The following SMC1B variants were observed in gnomAD, a reference collection of about 807,000 sequenced individuals.
SMC1B encodes the protein structural maintenance of chromosomes 1B, also known as structural maintenance of chromosomes protein 1B.
A neutral mutation model predicts 157.9 loss-of-function variants in SMC1B; 60 were observed. The ratio of observed to expected loss-of-function variants is 0.38; its 90% CI spans 0.31 to 0.47. The LOEUF is 0.47. Among genes scored for constraint, SMC1B ranks in the 20% least tolerant of loss-of-function variants. The pLI is 0.99. For missense variants in SMC1B, 1,165 were observed against 1,426.2 expected, an observed-to-expected ratio of 0.82 and a Z score of 2.95; for synonymous variants, 445 against 483.0, an observed-to-expected ratio of 0.92 and a Z score of 1.03.
In SMC1B at chr22:45,359,919, T is replaced by C. The variant is rs1391478336; in HGVS notation, c.2748A>G (p.Gln916=). Residue 916 remains glutamine (Q), a synonymous_variant, in exon 18 of 25, where the codon CAA becomes CAG. Coordinates refer to ENST00000357450, the MANE Select transcript of SMC1B (RefSeq NM_148674.5). ...CTAATCGTTTCTGTTCCAGAGAAGT[T>C]TGAATACTTACAACTTCTTTTTGCA... is the stretch of plus-strand genomic sequence containing the variant. ...GKLQKEVVSI[Q]TSLEQKRLEK... is the part of the protein sequence containing the mutation. The C allele has an allele frequency of 6.8e-6, 11 of 1,613,956 alleles. No homozygotes were observed. The highest frequency in any genetic ancestry group is 1.3e-5 in the African/African-American group (1 of 74,944).
rs2086592295 is a variant in SMC1B, at chr22:45,349,728, T to C, written c.3495A>G (p.Lys1165=). 2 of 1,611,378 alleles carry C rather than the reference T, an allele frequency of 1.2e-6. No individual in the cohort carries two copies. The highest frequency in any genetic ancestry group is 1.7e-6 in the Non-Finnish European group (2 of 1,178,560). ...DAALDNTNIG[K]VSSYIKEQTQ... is the part of the protein sequence containing the mutation. ...TTGAAAATGAAAAGCAGAAACTTAC[T>C]TTGCCTATGTTAGTATTGTCTAGGG... Residue 1165 remains lysine (K), a splice_region_variant and synonymous_variant, in exon 23 of 25, where the codon AAA becomes AAG. Transcript: ENST00000357450.
At chr22:45,364,823 CCTTTTTTTTTTTTT>C (rs2086757480) in intron 15 of SMC1B, among the ~76,000 whole-genome samples, 1 of 129,442 alleles carries the variant, frequency 7.7e-6, no homozygotes, top group Non-Finnish European at 1.6e-5. Flanking sequence ...GATCTCTTTT[CCTTTTTTTTTTTTT>C]TTTTTTTTTT....
chr22:45,379,425 C>T (rs191119619), intron 12 of SMC1B, among the ~76,000 whole-genome samples: 1 of 152,258 alleles, frequency 6.6e-6, no homozygotes, highest in East Asian at 1.9e-4. Context: ...TCATTACTTC[C>T]ATCTTGCTTT....
intron 15 of SMC1B, among the ~76,000 whole-genome samples, chr22:45,369,359 G>A (rs753747731): frequency 2.6e-5 from 4 of 151,876 alleles, no homozygotes; most frequent in Admixed American, 1.3e-4. Context: ...GCCTCCCAAA[G>A]TGCTGGGATT....
chr22:45,401,523 T>C (rs1198738166), intron 5 of SMC1B, among the ~76,000 whole-genome samples: 1 of 152,252 alleles, frequency 6.6e-6, no homozygotes, highest in Non-Finnish European at 1.5e-5. Flanking sequence ...GTACAGAATC[T>C]GCATAATAAA....
intron 13 of SMC1B, 69 bp downstream of exon 13, chr22:45,372,086 T>C: frequency 7.5e-7 from 1 of 1,339,960 alleles, no homozygotes; most frequent in African/African-American, 1.5e-5. Context: ...TGGAGCTATA[T>C]AAATGTAATT....
chr22:45,355,565 C>G (rs536452203), intron 19 of SMC1B, among the ~76,000 whole-genome samples: 5 of 152,098 alleles, frequency 3.3e-5, no homozygotes, highest in Non-Finnish European at 7.4e-5. Context: ...GCAATCCTCC[C>G]ACTTCAGCCT....
chr22:45,387,157 G>A, intron 10 of SMC1B, 111 bp from the exon 11 acceptor site: 2 of 956,126 alleles, frequency 2.1e-6, no homozygotes, highest in Non-Finnish European at 1.5e-6. Context: ...AAGATCAACA[G>A]TATGTACCCA....
At chr22:45,399,060 A>T in intron 6 of SMC1B, 35 bp downstream of exon 6, 1 of 1,576,796 alleles carries the variant, frequency 6.3e-7, no homozygotes, top group Non-Finnish European at 8.6e-7. Flanking sequence ...GAAATAATAG[A>T]AACACAAGAT....
chr22:45,408,357 C>T (rs2087288505), intron 2 of SMC1B, among the ~76,000 whole-genome samples: 1 of 152,002 alleles, frequency 6.6e-6, no homozygotes, highest in Non-Finnish European at 1.5e-5. Flanking sequence ...AATCACCTGA[C>T]CTCGTGATCC....
At chr22:45,387,842 G>A (rs136592) in intron 10 of SMC1B, among the ~76,000 whole-genome samples, 18,283 of 152,044 alleles carry the variant, frequency 0.12, 1,264 homozygotes, top group South Asian at 0.23. Flanking sequence ...GACCAGCCTG[G>A]CCAACATGGT....
intron 15 of SMC1B, among the ~76,000 whole-genome samples, chr22:45,368,226 T>G (rs1009668776): frequency 2.0e-5 from 3 of 152,190 alleles, no homozygotes; most frequent in African/African-American, 7.2e-5. Flanking sequence ...TCAAGTGTTT[T>G]TTCATCATCC....
intron 9 of SMC1B, among the ~76,000 whole-genome samples, chr22:45,392,008 C>T (rs776985719): frequency 8.6e-5 from 13 of 152,040 alleles, no homozygotes; most frequent in Non-Finnish European, 1.5e-4. Flanking sequence ...CAGGCTGGAG[C>T]GCAGTGGTGC....
rs549806929 is a variant in SMC1B at position 45,403,229 on chromosome 22, G to A, written c.616-658C>T. ...TAAATTTTGCAGTTCAGTATATTGTGATTATTATAGTCTGACTTCCACTGC... is the reference window on the plus strand; with the variant it reads ...TAAATTTTGCAGTTCAGTATATTGTAATTATTATAGTCTGACTTCCACTGC... On this transcript the variant is annotated intron_variant, in intron 4 of 24. Transcript: ENST00000357450. Among the ~76,000 whole-genome samples, 15 of 152,234 alleles carry A rather than the reference G, an allele frequency of 9.9e-5. No individual in the cohort carries two copies. In the East Asian group the frequency reaches 2.9e-3, roughly 29 times the overall value.
intron 12 of SMC1B, among the ~76,000 whole-genome samples, chr22:45,379,016 C>T (rs544528164): frequency 6.6e-6 from 1 of 152,130 alleles, no homozygotes; most frequent in Non-Finnish European, 1.5e-5. Context: ...ACAGTCTTGC[C>T]TTGTTGCCCA....
At chr22:45,398,369 G>A (rs2087150818) in intron 6 of SMC1B, among the ~76,000 whole-genome samples, 3 of 152,206 alleles carry the variant, frequency 2.0e-5, no homozygotes, top group Admixed American at 1.3e-4. Flanking sequence ...CTCTTCTGCT[G>A]GGGGCTGAGT....
chr22:45,370,476 T>C (rs1180494410), intron 14 of SMC1B, among the ~76,000 whole-genome samples: 2 of 152,198 alleles, frequency 1.3e-5, no homozygotes, highest in Admixed American at 1.3e-4. Flanking sequence ...GAAAAAGACT[T>C]GGAAAAGCTA....
At chr22:45,411,666 A>AGCCTCT (rs2087335320) in intron 1 of SMC1B, among the ~76,000 whole-genome samples, 1 of 152,116 alleles carries the variant, frequency 6.6e-6, no homozygotes, top group South Asian at 2.1e-4. Context: ...AGCTCACTGC[A>AGCCTCT]GCCTCTGCCT....
intron 12 of SMC1B, among the ~76,000 whole-genome samples, chr22:45,376,108 A>G (rs1488756335): frequency 6.6e-6 from 1 of 152,154 alleles, no homozygotes; most frequent in Non-Finnish European, 1.5e-5. Flanking sequence ...GAGCTTTACC[A>G]TTTCTAAGTG....
Sources: allele counts gnomAD v4.1 joint callset (sites outside exome capture counted in the v4.1 genomes callset), GRCh38; gene constraint gnomAD v4.1.1; transcripts MANE v1.5; gene names NCBI Gene and HGNC (gene_info 2026-07-23, HGNC 2026-07-21).